Variants in PLEKHM1 observed in about 807,000 individuals in gnomAD.
PLEKHM1 encodes the protein pleckstrin homology domain-containing family M member 1.
In PLEKHM1, 28 loss-of-function variants were observed where a neutral mutation model predicts 94.3. The observed-to-expected ratio is 0.30, with a 90% CI of 0.22 to 0.41. The LOEUF (loss-of-function observed/expected upper bound fraction) is 0.41, where lower values mean the gene tolerates loss of function less well. Among genes scored for constraint, PLEKHM1 ranks in the 10% least tolerant of loss-of-function variants. The probability of loss-of-function intolerance (pLI) is 1.00; values close to 1 mark genes in which losing one functional copy is unlikely to be tolerated. For synonymous variants in PLEKHM1, 424 were observed against 581.2 expected (o/e 0.73, Z 3.89); for missense variants, 907 against 1,358.6 (o/e 0.67, Z 5.22).
In PLEKHM1 at chr17:45,477,925, G is replaced by A. The variant is rs144241691; in HGVS notation, c.271C>T (p.Pro91Ser). Residue 91 changes from proline to serine, a missense_variant, in exon 3 of 12, where the codon CCC (proline) becomes TCC (serine). By Grantham distance (74) the Pro-to-Ser change is moderately conservative. This residue lies in a region of PLEKHM1 where 176 missense variants were observed against 306.0 expected (regional missense o/e 0.58). Coordinates refer to ENST00000430334, the MANE Select transcript of PLEKHM1 (RefSeq NM_014798.3). ...TTGTGGGTGACAGCTTTCAGGAGGG[G>A]CCAGAAGACAGGCTGGGGCAGAGGC... ...QKPLPQPVFW[P>S]LLKAVTHKHI... is the part of the protein sequence containing the mutation. 13 of 1,614,034 alleles carry A rather than the reference G, an allele frequency of 8.1e-6. No individual in the cohort carries two copies. In the African/African-American group the frequency reaches 1.7e-4, roughly 22 times the overall value.
At chr17:45,470,521 T>TG (rs1443167081) in intron 4 of PLEKHM1, among the ~76,000 whole-genome samples, 5 of 152,280 alleles carry the variant, frequency 3.3e-5, no homozygotes, top group Admixed American at 3.3e-4. Flanking sequence ...CCCAGCTACT[T>TG]GGGGGGCTAA....
At position 45,437,111 on chromosome 17, in the gene PLEKHM1, G is replaced by A. The variant is rs1386221733; in HGVS notation, c.*747C>T. 2.2e-6 allele frequency: 1 copy of A among 454,390 alleles called. No individual in the cohort carries two copies. The highest frequency in any genetic ancestry group is 4.4e-6 in the Non-Finnish European group (1 of 226,800). The allele number at this position is 454,390 out of a possible 1,614,324, so 28.1% of individuals were successfully genotyped here. On this transcript the variant is annotated 3_prime_UTR_variant, in exon 12 of 12. Transcript: ENST00000430334. This position sits in a 1 kb window ranked among gnomAD's most constrained non-coding sequence, Gnocchi z 4.0. ...TTCTCCTTCTCCTAATGGGGCCAAG[G>A]CCCCAGGCTAGAGAAGAGCTAGGGG...
chr17:45,468,364 C>T lies in PLEKHM1; in HGVS notation c.1153G>A (p.Asp385Asn), dbSNP rs769613870. ...EPRPQAPSPL[D>N]LQQPVESTSG... ...GTGCTCTCTACAGGCTGCTGTAAGTCCAGGGGGCTGGGCGCCTGGGGACGC... is the reference window on the plus strand; with the variant it reads ...GTGCTCTCTACAGGCTGCTGTAAGTTCAGGGGGCTGGGCGCCTGGGGACGC... Residue 385 changes from aspartate (D) to asparagine (N), a missense_variant, in exon 5 of 12, where the codon GAC (aspartate) becomes AAC (asparagine). This residue lies in a region of PLEKHM1 where 477 missense variants were observed against 601.5 expected (regional missense o/e 0.79). Coordinates refer to ENST00000430334, the MANE Select transcript of PLEKHM1 (RefSeq NM_014798.3). 3.1e-6 allele frequency: 5 copies of T among 1,614,030 alleles called. No individual in the cohort carries two copies. In the African/African-American group the frequency reaches 5.3e-5, roughly 17 times the overall value.
Position 45,445,549 on chromosome 17 carries a change from T to A in PLEKHM1, c.2758A>T (p.Arg920Trp). 1 of 1,613,856 alleles carries A rather than the reference T, an allele frequency of 6.2e-7. No homozygotes were observed. Among genetic ancestry groups the A allele is most frequent in the Non-Finnish European group, 8.5e-7 (1 of 1,179,870 alleles). The change falls in exon 9 of 12, where the codon AGG becomes TGG. Residue 920 changes from arginine to tryptophan, a missense_variant. Arg to Trp is a moderately radical substitution (Grantham distance 101, BLOSUM62 -3). Coordinates refer to ENST00000430334, the MANE Select transcript of PLEKHM1 (RefSeq NM_014798.3). This position sits in a 1 kb window ranked among gnomAD's most constrained non-coding sequence, Gnocchi z 4.2. ...AGGAGCTTCAGCTGCTCCCGTCTCCTCCCAATGAGGTGCATCCGCTCCACA... is the reference window on the plus strand; with the variant it reads ...AGGAGCTTCAGCTGCTCCCGTCTCCACCCAATGAGGTGCATCCGCTCCACA... ...EHVERMHLIG[R>W]RREQLKLLGD...
At chr17:45,439,879 C>T (rs1024155051) in intron 10 of PLEKHM1, 6 of 649,066 alleles carry the variant, frequency 9.2e-6, no homozygotes, top group Non-Finnish European at 1.6e-5. Context: ...ATAGCTGAGA[C>T]CCAAATTCAC....
At chr17:45,470,405 G>C (rs1423358646) in intron 4 of PLEKHM1, among the ~76,000 whole-genome samples, 12 of 152,278 alleles carry the variant, frequency 7.9e-5, no homozygotes, top group African/African-American at 2.9e-4. Flanking sequence ...AAGGCGGGTG[G>C]ATCACCTGAG....
rs1412295971 is a variant in PLEKHM1, at chr17:45,437,715, G to A, written c.*143C>T. ...CTTCCTGGGCTTTCTCTGGGAGGCCGGTGCTCTGGCCACATCTGAGGGTCT... is the reference window on the plus strand; with the variant it reads ...CTTCCTGGGCTTTCTCTGGGAGGCCAGTGCTCTGGCCACATCTGAGGGTCT... On this transcript the variant is annotated 3_prime_UTR_variant, in exon 12 of 12. Coordinates refer to ENST00000430334, the MANE Select transcript of PLEKHM1 (RefSeq NM_014798.3). The surrounding 1 kb of genome is among the most constrained non-coding windows in gnomAD (Gnocchi z 4.0). 8.1e-6 allele frequency: 6 copies of A among 738,338 alleles called. No homozygotes were observed. The highest frequency in any genetic ancestry group is 2.0e-5 in the Admixed American group (1 of 50,590). The allele number at this position is 738,338 out of a possible 1,614,324, so 45.7% of individuals were successfully genotyped here.
intron 9 of PLEKHM1, among the ~76,000 whole-genome samples, chr17:45,443,128 T>C (rs2050497738): frequency 1.3e-5 from 2 of 152,040 alleles, no homozygotes. Flanking sequence ...GATTGACCTT[T>C]GTAAAGAAGA....
At chr17:45,484,758 C>A (rs957009383) in intron 1 of PLEKHM1, among the ~76,000 whole-genome samples, 3 of 152,192 alleles carry the variant, frequency 2.0e-5, no homozygotes, top group African/African-American at 7.2e-5. Flanking sequence ...TCTGGGAAGA[C>A]CCTTTCGCTG....
At chr17:45,480,795 TACC>T (rs2051928275) in intron 2 of PLEKHM1, among the ~76,000 whole-genome samples, 2 of 152,250 alleles carry the variant, frequency 1.3e-5, no homozygotes, top group African/African-American at 4.8e-5. Context: ...TGCCTAGATA[TACC>T]ACATTTTATT....
chr17:45,442,981 C>T (rs2050493528), intron 9 of PLEKHM1, among the ~76,000 whole-genome samples: 1 of 152,226 alleles, frequency 6.6e-6, no homozygotes, highest in Admixed American at 6.5e-5. Flanking sequence ...CCCAGTTCAA[C>T]AGACACACAA....
intron 1 of PLEKHM1, 144 bp from the exon 2 acceptor site, chr17:45,482,669 A>G: frequency 4.4e-6 from 3 of 688,734 alleles, no homozygotes; most frequent in Non-Finnish European, 8.1e-6. Flanking sequence ...GTAAAAACTG[A>G]TAATAGATTT....
intron 5 of PLEKHM1, among the ~76,000 whole-genome samples, chr17:45,461,986 C>T (rs2051164786): frequency 6.6e-6 from 1 of 152,210 alleles, no homozygotes; most frequent in South Asian, 2.1e-4. Context: ...AAATGAGTCA[C>T]ACAAGCAGTG....
chr17:45,442,025 G>A (rs569221592), intron 9 of PLEKHM1, among the ~76,000 whole-genome samples: 321 of 152,294 alleles, frequency 2.1e-3, no homozygotes, highest in Non-Finnish European at 2.9e-3. Flanking sequence ...CCTGAGCCCT[G>A]GCTCCTCCTC....
Position 45,445,858 on chromosome 17 carries a change from C to A in PLEKHM1, c.2644-195G>T, listed in dbSNP as rs567974327. Reference sequence around the variant, plus strand: ...GTAAATGGTACAGTCAAGCTCTGAACCCAGTTTATCTGACTCCCAAACCCG... The same window carrying A: ...GTAAATGGTACAGTCAAGCTCTGAAACCAGTTTATCTGACTCCCAAACCCG... On this transcript the variant is annotated intron_variant, in intron 8 of 11. Coordinates refer to ENST00000430334, the MANE Select transcript of PLEKHM1 (RefSeq NM_014798.3). This position sits in a 1 kb window ranked among gnomAD's most constrained non-coding sequence, Gnocchi z 4.2. 6.6e-6 allele frequency among the ~76,000 whole-genome samples: 1 copy of A among 152,310 alleles called. No homozygotes were observed. The highest frequency in any genetic ancestry group is 2.4e-5 in the African/African-American group (1 of 41,562).
intron 5 of PLEKHM1, among the ~76,000 whole-genome samples, chr17:45,463,549 T>C (rs904373662): frequency 5.9e-5 from 9 of 152,356 alleles, no homozygotes; most frequent in Middle Eastern, 3.4e-3. Flanking sequence ...CACGCCATCA[T>C]GCCCGGCTAA....
chr17:45,440,792 T>C (rs1486167958), intron 9 of PLEKHM1: 1 of 185,416 alleles, frequency 5.4e-6, no homozygotes, highest in Non-Finnish European at 1.1e-5. Flanking sequence ...ACCTAGCAAA[T>C]GCCTAGAGAT....
chr17:45,483,622 C>T (rs2052024832), intron 1 of PLEKHM1, among the ~76,000 whole-genome samples: 1 of 152,220 alleles, frequency 6.6e-6, no homozygotes, highest in Non-Finnish European at 1.5e-5. Context: ...TCTCAGCTCT[C>T]AATCACCGCA....
chr17:45,436,066 G>A lies in PLEKHM1; in HGVS notation c.*1792C>T. ...TAGTGTGGGCACTACCTTTCTGAGGGAGGGGAGGCGGGAAGAGTCAATGCA... is the reference window on the plus strand; with the variant it reads ...TAGTGTGGGCACTACCTTTCTGAGGAAGGGGAGGCGGGAAGAGTCAATGCA... On this transcript the variant is annotated 3_prime_UTR_variant, in exon 12 of 12. Coordinates refer to ENST00000430334, the MANE Select transcript of PLEKHM1 (RefSeq NM_014798.3). 1 of 456,644 alleles carries A rather than the reference G, an allele frequency of 2.2e-6. No individual in the cohort carries two copies. The highest frequency in any genetic ancestry group is 4.4e-6 in the Non-Finnish European group (1 of 226,986). 28.3% of individuals were successfully genotyped at this position (456,644 alleles called of 1,614,324 possible).
Sources: allele counts gnomAD v4.1 joint callset (sites outside exome capture counted in the v4.1 genomes callset), GRCh38; gene constraint gnomAD v4.1.1; regional missense constraint gnomAD v4.1.1; non-coding constraint Gnocchi (gnomAD v3.1); transcripts MANE v1.5; gene names NCBI Gene and HGNC (gene_info 2026-07-23, HGNC 2026-07-21).